PLCB1: variants seen among roughly 807,000 people sequenced by gnomAD.
PLCB1 encodes phospholipase C beta 1.
A neutral mutation model predicts 161.8 loss-of-function variants in PLCB1; 46 were observed. The ratio of observed to expected loss-of-function variants is 0.28; its 90% CI spans 0.22 to 0.36. The LOEUF (loss-of-function observed/expected upper bound fraction) is 0.36. Ranked by LOEUF, PLCB1 falls within the 10% of genes least tolerant of loss-of-function variation. PLCB1 has a pLI of 1.00. For missense variants in PLCB1, 1,016 were observed against 1,472.5 expected, an observed-to-expected ratio of 0.69 and a Z score of 5.07; for synonymous variants, 517 against 503.7, an observed-to-expected ratio of 1.03 and a Z score of -0.35.
At chr20:8,676,691 ACT>A (rs1190856340) in intron 9 of PLCB1, among the ~76,000 whole-genome samples, 1 of 152,142 alleles carries the variant, frequency 6.6e-6, no homozygotes, top group Non-Finnish European at 1.5e-5. Context: ...TGCCTTACCA[ACT>A]CTCATACTTT....
intron 3 of PLCB1, among the ~76,000 whole-genome samples, chr20:8,522,313 C>G (rs1016472307): frequency 5.3e-5 from 8 of 152,112 alleles, no homozygotes; most frequent in Admixed American, 3.9e-4. Flanking sequence ...CTGTTACCTC[C>G]CCATCTCAGG....
At chr20:8,609,882 C>G (rs1987857259) in intron 3 of PLCB1, among the ~76,000 whole-genome samples, 1 of 152,154 alleles carries the variant, frequency 6.6e-6, no homozygotes, top group African/African-American at 2.4e-5. Flanking sequence ...TGCACAGGTA[C>G]TTTAGGGTGA....
intron 2 of PLCB1, among the ~76,000 whole-genome samples, chr20:8,175,170 TA>T (rs1311588280): frequency 1.3e-5 from 2 of 151,650 alleles, no homozygotes; most frequent in Non-Finnish European, 2.9e-5. Context: ...GAAATCAAGA[TA>T]AAATCCTAAA....
intron 9 of PLCB1, among the ~76,000 whole-genome samples, chr20:8,659,763 G>A (rs1411673845): frequency 2.6e-5 from 4 of 152,050 alleles, no homozygotes; most frequent in Admixed American, 1.3e-4. Context: ...AGGCCAAGGC[G>A]GGTGGATCAC....
At chr20:8,200,025 T>C (rs2052076027) in intron 2 of PLCB1, among the ~76,000 whole-genome samples, 1 of 152,138 alleles carries the variant, frequency 6.6e-6, no homozygotes. Flanking sequence ...TTCTTGTTCT[T>C]GCCACTGCAT....
rs976613130 is a variant in PLCB1, at chr20:8,644,720, C to T, written c.385-1382C>T. On this transcript the variant is annotated intron_variant, in intron 4 of 31. Coordinates refer to ENST00000338037, the MANE Select transcript of PLCB1 (RefSeq NM_015192.4). ...GAGGGAGGTGGGGGGGTCAGCCCCC[C>T]GCCCTGCCAGCCGCCCCGCCCGGGA... Among the ~76,000 whole-genome samples the T allele has an allele frequency of 3.5e-3, 535 of 151,430 alleles. 9 individuals carry two copies. The highest frequency in any genetic ancestry group is 0.029 in the Admixed American group (441 of 15,270).
chr20:8,586,634 T>A (rs185134386), intron 3 of PLCB1, among the ~76,000 whole-genome samples: 219 of 152,276 alleles, frequency 1.4e-3, no homozygotes, highest in African/African-American at 4.8e-3. Flanking sequence ...TAGACCTTAG[T>A]GGTCACTCAC....
intron 2 of PLCB1, among the ~76,000 whole-genome samples, chr20:8,184,919 C>T (rs916772416): frequency 6.6e-6 from 1 of 151,852 alleles, no homozygotes; most frequent in African/African-American, 2.4e-5. Flanking sequence ...TTAGGTATTT[C>T]TCCTAATGCT....
Position 8,348,017 on chromosome 20 carries a change from A to G in PLCB1, c.178-23365A>G, listed in dbSNP as rs575878050. Among the ~76,000 whole-genome samples the G allele has an allele frequency of 9.2e-5, 14 of 152,316 alleles. No homozygotes were observed. In the South Asian group the frequency reaches 2.9e-3, roughly 32 times the overall value. ...AAAGAGCCTGGCTTCTTAAGAAACCAGGTAGTAAGATGGTAAATCATGTAA... is the reference window on the plus strand; with the variant it reads ...AAAGAGCCTGGCTTCTTAAGAAACCGGGTAGTAAGATGGTAAATCATGTAA... On this transcript the variant is annotated intron_variant, in intron 2 of 31. Coordinates refer to ENST00000338037, the MANE Select transcript of PLCB1 (RefSeq NM_015192.4).
chr20:8,606,151 G>C (rs749013217), intron 3 of PLCB1, among the ~76,000 whole-genome samples: 25 of 151,986 alleles, frequency 1.6e-4, no homozygotes, highest in Admixed American at 3.9e-4. Context: ...CCAATATTAT[G>C]TACAAATTTT....
chr20:8,185,321 A>G (rs988222104), intron 2 of PLCB1, among the ~76,000 whole-genome samples: 1 of 152,212 alleles, frequency 6.6e-6, no homozygotes, highest in African/African-American at 2.4e-5. Flanking sequence ...TGAGCTGCTT[A>G]TAACATTCTA....
intron 18 of PLCB1, among the ~76,000 whole-genome samples, chr20:8,730,294 A>C (rs1980168542): frequency 1.3e-5 from 2 of 151,816 alleles, no homozygotes; most frequent in Non-Finnish European, 2.9e-5. Context: ...TCAAAATTTA[A>C]TTTTGGTCCA....
intron 2 of PLCB1, among the ~76,000 whole-genome samples, chr20:8,278,977 T>TAAAAAAAAAAAAAAAAAAAA (rs1568615549): frequency 6.7e-6 from 1 of 148,382 alleles, no homozygotes; most frequent in African/African-American, 2.5e-5. Flanking sequence ...ACAGTGTTTT[T>TAAAAAAAAAAAAAAAAAAAA]TAAAAAAAAA....
At chr20:8,845,191 T>C (rs1600377092) in intron 31 of PLCB1, among the ~76,000 whole-genome samples, 1 of 152,308 alleles carries the variant, frequency 6.6e-6, no homozygotes, top group African/African-American at 2.4e-5. Flanking sequence ...TGAGTTCTTT[T>C]GGTGACTAGG....
rs1986384268 is a variant in PLCB1 at position 8,357,020 on chromosome 20, C to A, written c.178-14362C>A. 3.3e-5 allele frequency among the ~76,000 whole-genome samples: 5 copies of A among 152,150 alleles called. No individual in the cohort carries two copies. In the South Asian group the frequency reaches 1.0e-3, roughly 32 times the overall value. ...AAGATTTATTTTTAGGTTTTACTTT[C>A]ATCTGAGCAAGAAGAAATATATTGT... On this transcript the variant is annotated intron_variant, in intron 2 of 31. Transcript: ENST00000338037.
At chr20:8,555,297 A>G (rs1985914725) in intron 3 of PLCB1, among the ~76,000 whole-genome samples, 1 of 152,104 alleles carries the variant, frequency 6.6e-6, no homozygotes, top group Non-Finnish European at 1.5e-5. Context: ...GCAATGGATC[A>G]TGATACTAAG....
chr20:8,843,136 T>C (rs1038896616), intron 31 of PLCB1, among the ~76,000 whole-genome samples: 1 of 152,256 alleles, frequency 6.6e-6, no homozygotes, highest in Non-Finnish European at 1.5e-5. Flanking sequence ...CTTTAATTGA[T>C]GTTAACTTAC....
intron 16 of PLCB1, 26 bp downstream of exon 16, chr20:8,724,778 C>T (rs1380474222): frequency 8.4e-7 from 1 of 1,190,878 alleles, no homozygotes; most frequent in African/African-American, 1.5e-5. Flanking sequence ...AGAAAAACCC[C>T]TCTTGCAGCA....
intron 2 of PLCB1, among the ~76,000 whole-genome samples, chr20:8,198,070 G>A (rs1297240985): frequency 1.3e-5 from 2 of 152,112 alleles, no homozygotes; most frequent in East Asian, 1.9e-4. Context: ...TAGCCTTGTA[G>A]TATAGTTTGA....
Sources: gnomAD v4.1 joint callset for allele counts (sites outside exome capture counted in the v4.1 genomes callset) on GRCh38, gnomAD v4.1.1 for gene constraint, MANE v1.5 for transcripts, NCBI Gene and HGNC (gene_info 2026-07-23, HGNC 2026-07-21) for gene names.